The following NRBP2 variants were observed in gnomAD, a reference collection of about 807,000 sequenced individuals.
The protein encoded by NRBP2 is nuclear receptor binding protein 2, also known as nuclear receptor-binding protein 2.
NRBP2 carries 47 observed loss-of-function variants against 74.4 expected under a neutral mutation model. The ratio of observed to expected loss-of-function variants is 0.63; its 90% CI spans 0.50 to 0.81. The LOEUF (loss-of-function observed/expected upper bound fraction) is 0.81, where lower values mean the gene tolerates loss of function less well. NRBP2 is among the 30% of genes least tolerant of loss of function. NRBP2 has a pLI of 0.00. For synonymous variants in NRBP2, 312 were observed against 273.8 expected (o/e 1.14, Z -1.38); for missense variants, 613 against 690.1 (o/e 0.89, Z 1.25).
chr8:143,840,686 GC>G lies in NRBP2; in HGVS notation c.129+19del. On this transcript the variant is annotated intron_variant, in intron 1 of 17. Coordinates refer to ENST00000442628, the MANE Select transcript of NRBP2 (RefSeq NM_178564.4). The surrounding 1 kb of genome is among the most constrained non-coding windows in gnomAD (Gnocchi z 5.7). The stretch of plus-strand genomic sequence containing the variant: ...CTCTGGGAGGGCGGTGTCACCCCGT[GC>G]CCCAACCCCCGCGCCCACCTGCTCC... 1 of 1,468,098 alleles carries G rather than the reference GC, an allele frequency of 6.8e-7. No homozygotes were observed. The highest frequency in any genetic ancestry group is 9.0e-7 in the Non-Finnish European group (1 of 1,110,806). 90.9% of individuals were successfully genotyped at this position (1,468,098 alleles called of 1,614,324 possible).
In NRBP2 at chr8:143,836,003, G is replaced by A. The variant is rs782670268; in HGVS notation, c.1345C>T (p.Arg449Trp). ...TCGTAGGTCAGCTGCCGGTGCAGCCGGTCTTCCAGCACCAGAAGCAGAGTG... is the reference window on the plus strand; with the variant it reads ...TCGTAGGTCAGCTGCCGGTGCAGCCAGTCTTCCAGCACCAGAAGCAGAGTG... ...HLTLLLVLED[R>W]LHRQLTYDLL... is the part of the protein sequence containing the mutation. The change falls in exon 16 of 18, where the codon CGG becomes TGG. Residue 449 changes from arginine to tryptophan, a missense_variant. Physicochemically the swap from Arg to Trp is moderately radical, Grantham distance 101 (BLOSUM62 -3). Coordinates refer to ENST00000442628, the MANE Select transcript of NRBP2 (RefSeq NM_178564.4). The A allele has an allele frequency of 1.5e-5, 24 of 1,577,178 alleles. No individual in the cohort carries two copies. Among genetic ancestry groups the A allele is most frequent in the Admixed American group, 7.1e-5 (4 of 56,724 alleles).
At position 143,837,500 on chromosome 8, in the gene NRBP2, G is replaced by A. The variant is rs1554652227; in HGVS notation, c.983C>T (p.Pro328Leu). The change falls in exon 12 of 18, where the codon CCT becomes CTT. Residue 328 changes from proline (P) to leucine (L), a missense_variant. Transcript: ENST00000442628. The surrounding 1 kb of genome is among the most constrained non-coding windows in gnomAD (Gnocchi z 4.3). ...HCFIQHQYLM[P>L]ENVVEEKTKA... ...GGTCTTCTCCTCCACCACATTCTCA[G>A]GCATGAGGTCTGCGGCCACAAGAGC... The A allele has an allele frequency of 6.2e-7, 1 of 1,610,260 alleles. No individual in the cohort carries two copies.
chr8:143,839,282 C>G lies in NRBP2; in HGVS notation c.580+32G>C, dbSNP rs1351800417. 1 of 1,537,290 alleles carries G rather than the reference C, an allele frequency of 6.5e-7. No homozygotes were observed. Among genetic ancestry groups the G allele is most frequent in the Non-Finnish European group, 8.7e-7 (1 of 1,147,630 alleles). ...TGGCTCCAGGCACCTTCCCCTGCCC[C>G]GTTCCCCCACCCAGCCCTGCCCCGC... On this transcript the variant is annotated intron_variant, in intron 6 of 17. Coordinates refer to ENST00000442628, the MANE Select transcript of NRBP2 (RefSeq NM_178564.4). The surrounding 1 kb of genome is among the most constrained non-coding windows in gnomAD (Gnocchi z 5.1).
In NRBP2 at chr8:143,835,264, C is replaced by T. The variant is rs965075280; in HGVS notation, c.*398G>A. 4 of 266,382 alleles carry T rather than the reference C, an allele frequency of 1.5e-5. No homozygotes were observed. Among genetic ancestry groups the T allele is most frequent in the Non-Finnish European group, 2.2e-5 (3 of 137,422 alleles). 16.5% of individuals were successfully genotyped at this position (266,382 alleles called of 1,614,324 possible). ...CTCCCAGACCCCATGGAGCAGTTCCCTGGGCAGAGGTCTGTCCAGGGCTGA... is the reference window on the plus strand; with the variant it reads ...CTCCCAGACCCCATGGAGCAGTTCCTTGGGCAGAGGTCTGTCCAGGGCTGA... On this transcript the variant is annotated 3_prime_UTR_variant, in exon 18 of 18. Coordinates refer to ENST00000442628, the MANE Select transcript of NRBP2 (RefSeq NM_178564.4). This position sits in a 1 kb window ranked among gnomAD's most constrained non-coding sequence, Gnocchi z 4.9.
rs138628048 is a variant in NRBP2, at chr8:143,835,971, G to A, written c.1377C>T (p.Leu459=). ...CAAGTCCCCTGCCCAGCCTACTTGG[G>A]AGCAGGTCGTAGGTCAGCTGCCGGT... ...RLHRQLTYDL[L]PTDSAQDLAS... Residue 459 remains leucine, a synonymous_variant, in exon 16 of 18, where the codon CTC becomes CTT. Coordinates refer to ENST00000442628, the MANE Select transcript of NRBP2 (RefSeq NM_178564.4). The surrounding 1 kb of genome is among the most constrained non-coding windows in gnomAD (Gnocchi z 4.9). The A allele has an allele frequency of 4.3e-3, 6,811 of 1,593,602 alleles. 20 individuals are homozygous for A. Among genetic ancestry groups the A allele is most frequent in the Non-Finnish European group, 5.2e-3 (6,051 of 1,172,520 alleles).
At chr8:143,838,611 C>G (rs1818536508) in intron 10 of NRBP2, 69 bp downstream of exon 10, 1 of 1,170,190 alleles carries the variant, frequency 8.5e-7, no homozygotes, top group African/African-American at 1.5e-5. Flanking sequence ...CCAGGTCTGC[C>G]TGGAGCACCT....
In NRBP2 at chr8:143,836,979, T is replaced by C. The variant is rs372441498; in HGVS notation, c.1263+60A>G. The C allele has an allele frequency of 7.0e-6, 11 of 1,563,510 alleles. No homozygotes were observed. The African/African-American group carries it at 1.5e-4, about 22-fold the overall frequency. ...AGGCCCTAAGAGAAGGAGGGGCACCTCTTATCTGGCTGTTAGAAGGTCTGA... is the reference window on the plus strand; with the variant it reads ...AGGCCCTAAGAGAAGGAGGGGCACCCCTTATCTGGCTGTTAGAAGGTCTGA... On this transcript the variant is annotated intron_variant, in intron 14 of 17. Transcript: ENST00000442628.
At position 143,836,934 on chromosome 8, in the gene NRBP2, G is replaced by C. The variant is rs532240743; in HGVS notation, c.1263+105C>G. ...ATCTGGTCTCTGGCAGCCAGGAGGA[G>C]AGCTGGGCTGTGGGGATGCAGGCCC... is the stretch of plus-strand genomic sequence containing the variant. On this transcript the variant is annotated intron_variant, in intron 14 of 17. Coordinates refer to ENST00000442628, the MANE Select transcript of NRBP2 (RefSeq NM_178564.4). 34 of 1,319,984 alleles carry C rather than the reference G, an allele frequency of 2.6e-5. No individual in the cohort carries two copies. The Admixed American group carries it at 2.7e-4, about 10-fold the overall frequency. 81.8% of individuals were successfully genotyped at this position (1,319,984 alleles called of 1,614,324 possible).
Position 143,834,546 on chromosome 8 carries a change from C to G in NRBP2, c.*1116G>C, listed in dbSNP as rs1554650988. The G allele has an allele frequency of 6.6e-6, 1 of 152,226 alleles. No individual in the cohort carries two copies. The highest frequency in any genetic ancestry group is 2.4e-5 in the African/African-American group (1 of 41,442). The allele number at this position is 152,226 out of a possible 1,614,324, so 9.4% of individuals were successfully genotyped here. A position where few individuals can be genotyped will look rare whatever the true frequency, so the allele number is the denominator to read the frequency against. On this transcript the variant is annotated 3_prime_UTR_variant, in exon 18 of 18. Transcript: ENST00000442628. ...ATTGCAATAAATTTGTGTTAAGTCA[C>G]TAAGTTTGTGGTAAATTTTACAGCG...
In NRBP2 at chr8:143,837,379, G is replaced by A; in HGVS notation, c.1076+28C>T. 6.4e-7 allele frequency: 1 copy of A among 1,557,560 alleles called. No individual in the cohort carries two copies. Among genetic ancestry groups the A allele is most frequent in the Non-Finnish European group, 8.7e-7 (1 of 1,147,898 alleles). On this transcript the variant is annotated intron_variant, in intron 12 of 17. Coordinates refer to ENST00000442628, the MANE Select transcript of NRBP2 (RefSeq NM_178564.4). The surrounding 1 kb of genome is among the most constrained non-coding windows in gnomAD (Gnocchi z 4.3). ...GTGCGGGGAGGGGAGGTGTGGGGAG[G>A]GGAGGCTTCTGGGTGCTGACTGCTC...
chr8:143,836,211 C>T (rs574260764), intron 14 of NRBP2, 31 bp from the exon 15 acceptor site: 1 of 1,510,848 alleles, frequency 6.6e-7, no homozygotes, highest in East Asian at 2.4e-5. Context: ...GACTCACAAA[C>T]CCAGCAGCAA....
downstream of NRBP2, among the ~76,000 whole-genome samples, chr8:143,832,232 A>G (rs1346689438): frequency 1.3e-5 from 2 of 151,640 alleles, no homozygotes; most frequent in Non-Finnish European, 2.9e-5. Context: ...CATGCTCCTT[A>G]AGAGTCATCA....
At position 143,835,433 on chromosome 8, in the gene NRBP2, T is replaced by G. The variant is rs1818316088; in HGVS notation, c.*229A>C. Reference sequence around the variant, plus strand: ...TGGGAAGGGGTTCTGGGGGCAACCCTGATCCTAAGGACCTGGGAGGCCTAA... The same window carrying G: ...TGGGAAGGGGTTCTGGGGGCAACCCGGATCCTAAGGACCTGGGAGGCCTAA... On this transcript the variant is annotated 3_prime_UTR_variant, in exon 18 of 18. Transcript: ENST00000442628. The surrounding 1 kb of genome is among the most constrained non-coding windows in gnomAD (Gnocchi z 4.9). 3.2e-6 allele frequency: 2 copies of G among 632,278 alleles called. No homozygotes were observed. The highest frequency in any genetic ancestry group is 1.9e-5 in the African/African-American group (1 of 53,070). The allele number at this position is 632,278 out of a possible 1,614,324, so 39.2% of individuals were successfully genotyped here. A position where few individuals can be genotyped will look rare whatever the true frequency, so the allele number is the denominator to read the frequency against.
rs551342852 is a variant in NRBP2 at position 143,835,729 on chromosome 8, T to C, written c.1439A>G (p.Asp480Gly). 1 of 1,599,626 alleles carries C rather than the reference T, an allele frequency of 6.3e-7. No homozygotes were observed. The highest frequency in any genetic ancestry group is 1.1e-5 in the South Asian group (1 of 89,130). The change falls in exon 18 of 18, where the codon GAC becomes GGC. Residue 480 changes from aspartate (D) to glycine (G), a missense_variant and splice_region_variant. Around this residue, in one of 2 missense-constraint regions of NRBP2, gnomAD observed 281 missense variants for 260.9 expected, o/e 1.08. Transcript: ENST00000442628. The surrounding 1 kb of genome is among the most constrained non-coding windows in gnomAD (Gnocchi z 4.9). ...ELVHYGFLHE[D>G]DRMKLAAFLE... The stretch of plus-strand genomic sequence containing the variant: ...GAAGGCGGCCAGCTTCATCCGGTCG[T>C]CCTGCGGAAGGAGGGAGGCATGGGG...
chr8:143,834,445 C>T lies in NRBP2; in HGVS notation c.*1217G>A, dbSNP rs550305208. On this transcript the variant is annotated 3_prime_UTR_variant, in exon 18 of 18. Coordinates refer to ENST00000442628, the MANE Select transcript of NRBP2 (RefSeq NM_178564.4). ...GCAGGAGACAGAGTCTCCCCTAGAACCTCCAGGAAGGAAGGCAGCCTGCCA... is the reference window on the plus strand; with the variant it reads ...GCAGGAGACAGAGTCTCCCCTAGAATCTCCAGGAAGGAAGGCAGCCTGCCA... 7.2e-5 allele frequency: 11 copies of T among 152,344 alleles called. No homozygotes were observed. The highest frequency in any genetic ancestry group is 2.2e-4 in the African/African-American group (9 of 41,580). The allele number at this position is 152,344 out of a possible 1,614,324, so 9.4% of individuals were successfully genotyped here.
In NRBP2 at chr8:143,837,199, G is replaced by A; in HGVS notation, c.1128-25C>T. On this transcript the variant is annotated intron_variant, in intron 13 of 17. Coordinates refer to ENST00000442628, the MANE Select transcript of NRBP2 (RefSeq NM_178564.4). The surrounding 1 kb of genome is among the most constrained non-coding windows in gnomAD (Gnocchi z 4.3). ...CCTGGGGACACAACAGGGTGGCTGGGGGTTCAGGCCTGACAGCTGCCTGGC... is the reference window on the plus strand; with the variant it reads ...CCTGGGGACACAACAGGGTGGCTGGAGGTTCAGGCCTGACAGCTGCCTGGC... 6.2e-7 allele frequency: 1 copy of A among 1,613,888 alleles called. No homozygotes were observed. The highest frequency in any genetic ancestry group is 8.5e-7 in the Non-Finnish European group (1 of 1,179,962).
Position 143,835,966 on chromosome 8 carries a change from CT to C in NRBP2, c.1381del (p.Thr461ArgfsTer23). On this transcript the variant is annotated frameshift_variant and splice_region_variant, in exon 16 of 18. Coordinates refer to ENST00000442628, the MANE Select transcript of NRBP2 (RefSeq NM_178564.4). LOFTEE classifies it high-confidence loss of function. This position sits in a 1 kb window ranked among gnomAD's most constrained non-coding sequence, Gnocchi z 4.9. ...CCGCCCAAGTCCCCTGCCCAGCCTA[CT>C]TGGGAGCAGGTCGTAGGTCAGCTGC... Reference protein sequence around the residue: ...HRQLTYDLLPTDSAQDLASEL... With the variant: ...HRQLTYDLLPXDSAQDLASEL... The C allele has an allele frequency of 6.3e-7, 1 of 1,594,180 alleles. No homozygotes were observed. Among genetic ancestry groups the C allele is most frequent in the Non-Finnish European group, 8.5e-7 (1 of 1,173,008 alleles).
chr8:143,830,047 A>T (rs1818082722), downstream of NRBP2, among the ~76,000 whole-genome samples: 1 of 152,228 alleles, frequency 6.6e-6, no homozygotes. Context: ...CTGTAAGCTC[A>T]GGCACCTTCA....
chr8:143,840,531 C>G lies in NRBP2; in HGVS notation c.129+175G>C, dbSNP rs1326809371. On this transcript the variant is annotated intron_variant, in intron 1 of 17. Transcript: ENST00000442628. The surrounding 1 kb of genome is among the most constrained non-coding windows in gnomAD (Gnocchi z 5.7). ...GAGGAGACTGGCCCTCAGGGAGTCC[C>G]AGGGCGAGCGCCAGGCCAAAGGGGT... 5.7e-6 allele frequency: 4 copies of G among 704,584 alleles called. No individual in the cohort carries two copies. Among genetic ancestry groups the G allele is most frequent in the Non-Finnish European group, 9.1e-6 (4 of 441,904 alleles). The allele number at this position is 704,584 out of a possible 1,614,324, so 43.6% of individuals were successfully genotyped here. A position where few individuals can be genotyped will look rare whatever the true frequency, so the allele number is the denominator to read the frequency against.
Sources: allele counts gnomAD v4.1 joint callset (sites outside exome capture counted in the v4.1 genomes callset), GRCh38; gene constraint gnomAD v4.1.1; regional missense constraint gnomAD v4.1.1; non-coding constraint Gnocchi (gnomAD v3.1); transcripts MANE v1.5; gene names NCBI Gene and HGNC (gene_info 2026-07-23, HGNC 2026-07-21).